Variants in CDC42BPA observed in about 807,000 individuals in gnomAD.
CDC42BPA encodes CDC42 binding protein kinase alpha, also known as serine/threonine-protein kinase MRCK alpha.
CDC42BPA carries 80 observed loss-of-function variants against 223.5 expected under a neutral mutation model. The ratio of observed to expected loss-of-function variants is 0.36; its 90% CI spans 0.30 to 0.43. The LOEUF is 0.43. Among genes scored for constraint, CDC42BPA ranks in the 20% least tolerant of loss-of-function variants. The probability of loss-of-function intolerance (pLI) is 1.00; values close to 1 mark genes in which losing one functional copy is unlikely to be tolerated. For synonymous variants in CDC42BPA, 694 were observed against 718.6 expected, an observed-to-expected ratio of 0.97 and a Z score of 0.55; for missense variants, 1,743 against 2,099.9, an observed-to-expected ratio of 0.83 and a Z score of 3.32.
rs1405622452 is a variant in CDC42BPA at position 227,195,229 on chromosome 1, C to T, written c.451-1295G>A. On this transcript the variant is annotated intron_variant, in intron 4 of 36. Coordinates refer to ENST00000366766, the MANE Select transcript of CDC42BPA (RefSeq NM_001394014.1). ...GTTTGTTTTGAGACAGAGTCTTGCTCTGTCGCCAGGCTGGAGTGCAGTGGC... is the reference window on the plus strand; with the variant it reads ...GTTTGTTTTGAGACAGAGTCTTGCTTTGTCGCCAGGCTGGAGTGCAGTGGC... Among the ~76,000 whole-genome samples, 5 of 152,150 alleles carry T rather than the reference C, an allele frequency of 3.3e-5. No individual in the cohort carries two copies. The East Asian group carries it at 9.6e-4, about 29-fold the overall frequency.
intron 10 of CDC42BPA, among the ~76,000 whole-genome samples, chr1:227,139,077 T>C (rs569654187): frequency 1.3e-5 from 2 of 152,250 alleles, no homozygotes; most frequent in African/African-American, 4.8e-5. Flanking sequence ...CTTATTACCA[T>C]AGGATGGACT....
chr1:227,011,055 G>T (rs751486864), intron 34 of CDC42BPA: 1 of 1,332,958 alleles, frequency 7.5e-7, no homozygotes, highest in South Asian at 1.2e-5. Context: ...ATGGATAAGG[G>T]AAACCTGGCT....
At chr1:227,115,855 CA>C (rs918925122) in intron 12 of CDC42BPA, among the ~76,000 whole-genome samples, 12 of 139,604 alleles carry the variant, frequency 8.6e-5, no homozygotes, top group Non-Finnish European at 1.2e-4. Flanking sequence ...ATCTGAATAT[CA>C]AAAAAAAGAA....
intron 10 of CDC42BPA, among the ~76,000 whole-genome samples, chr1:227,136,633 C>A (rs1658626902): frequency 1.3e-5 from 2 of 152,158 alleles, no homozygotes; most frequent in African/African-American, 4.8e-5. Context: ...GGACATAATA[C>A]TGAAAGCAGC....
At chr1:227,041,692 CA>C (rs1202393258) in intron 23 of CDC42BPA, among the ~76,000 whole-genome samples, 1 of 152,100 alleles carries the variant, frequency 6.6e-6, no homozygotes, top group Non-Finnish European at 1.5e-5. Flanking sequence ...GTGAGAGTCT[CA>C]AATTTAGAGT....
chr1:227,114,277 C>G (rs1014022497), intron 12 of CDC42BPA, among the ~76,000 whole-genome samples: 2 of 151,860 alleles, frequency 1.3e-5, no homozygotes, highest in Admixed American at 1.3e-4. Flanking sequence ...AGAACAGACA[C>G]TGAAGAAGTA....
chr1:227,182,220 C>T (rs1668064869), intron 5 of CDC42BPA, among the ~76,000 whole-genome samples: 1 of 152,270 alleles, frequency 6.6e-6, no homozygotes, highest in African/African-American at 2.4e-5. Context: ...AAAGTGAATT[C>T]ATCTTATCCC....
intron 21 of CDC42BPA, among the ~76,000 whole-genome samples, chr1:227,053,971 G>A (rs949351368): frequency 1.3e-5 from 2 of 152,156 alleles, no homozygotes; most frequent in African/African-American, 4.8e-5. Flanking sequence ...TAGTTAAAAT[G>A]GAACTGAGAA....
At chr1:227,268,573 A>AGT (rs1685399863) in intron 1 of CDC42BPA, among the ~76,000 whole-genome samples, 1 of 143,802 alleles carries the variant, frequency 7.0e-6, no homozygotes, top group Non-Finnish European at 1.5e-5. Context: ...GTATATATAT[A>AGT]GTGTATATAT....
intron 13 of CDC42BPA, 66 bp downstream of exon 13, chr1:227,112,605 A>T: frequency 1.5e-6 from 2 of 1,349,358 alleles, no homozygotes; most frequent in Non-Finnish European, 2.0e-6. Context: ...ATATTATATT[A>T]CTAGTCTCAA....
At chr1:227,101,427 C>T (rs1685041891) in intron 14 of CDC42BPA, among the ~76,000 whole-genome samples, 188 bp from the exon 15 acceptor site, 1 of 152,092 alleles carries the variant, frequency 6.6e-6, no homozygotes, top group Non-Finnish European at 1.5e-5. Context: ...CCTCAGTTTA[C>T]ATTCCTTAAT....
At chr1:227,097,618 G>A (rs574569249) in intron 15 of CDC42BPA, among the ~76,000 whole-genome samples, 1 of 152,312 alleles carries the variant, frequency 6.6e-6, no homozygotes, top group Admixed American at 6.5e-5. Context: ...TGAAACTGGT[G>A]ATCAGCAGCT....
chr1:227,285,401 C>T (rs538063889), intron 1 of CDC42BPA, among the ~76,000 whole-genome samples: 56 of 152,322 alleles, frequency 3.7e-4, no homozygotes, highest in African/African-American at 1.3e-3. Context: ...TTACATCTTA[C>T]GTAATTATTT....
chr1:227,229,441 G>C (rs1318387683), intron 2 of CDC42BPA, among the ~76,000 whole-genome samples: 1 of 152,178 alleles, frequency 6.6e-6, no homozygotes, highest in Non-Finnish European at 1.5e-5. Context: ...ATCAGGAAGT[G>C]TGAGTCCTCC....
At chr1:227,132,413 G>A (rs1043533524) in intron 10 of CDC42BPA, among the ~76,000 whole-genome samples, 3 of 150,608 alleles carry the variant, frequency 2.0e-5, no homozygotes, top group African/African-American at 7.4e-5. Context: ...GATTGCAGAC[G>A]GAGTCTCGTT....
chr1:227,307,970 G>A (rs1692847048), intron 1 of CDC42BPA, among the ~76,000 whole-genome samples: 1 of 152,070 alleles, frequency 6.6e-6, no homozygotes, highest in Admixed American at 6.6e-5. Flanking sequence ...ACTTACTGAA[G>A]AATAATTATA....
At chr1:227,019,173 T>C (rs1432369044) in intron 32 of CDC42BPA, among the ~76,000 whole-genome samples, 1 of 152,232 alleles carries the variant, frequency 6.6e-6, no homozygotes, top group Non-Finnish European at 1.5e-5. Flanking sequence ...GTGTATGTAA[T>C]ATTGTAAATA....
chr1:227,139,070 A>T (rs1297993427), intron 10 of CDC42BPA, among the ~76,000 whole-genome samples: 6 of 152,178 alleles, frequency 3.9e-5, no homozygotes, highest in African/African-American at 1.2e-4. Context: ...GACATATCTT[A>T]TTACCATAGG....
At chr1:227,206,833 T>C (rs1026718472) in intron 3 of CDC42BPA, among the ~76,000 whole-genome samples, 7 of 152,208 alleles carry the variant, frequency 4.6e-5, no homozygotes, top group African/African-American at 1.7e-4. Flanking sequence ...GGGCATGGTA[T>C]ATAATTCTTT....
Sources: allele counts gnomAD v4.1 joint callset (sites outside exome capture counted in the v4.1 genomes callset), GRCh38; gene constraint gnomAD v4.1.1; transcripts MANE v1.5; gene names NCBI Gene and HGNC (gene_info 2026-07-23, HGNC 2026-07-21).